BLNK: variants seen among roughly 807,000 people sequenced by gnomAD.
BLNK encodes the protein B cell linker.
A neutral mutation model predicts 73.5 loss-of-function variants in BLNK; 29 were observed. The ratio of observed to expected loss-of-function variants is 0.39; its 90% CI spans 0.29 to 0.54. BLNK has a LOEUF of 0.54. BLNK is among the 20% of genes least tolerant of loss of function. The pLI, the probability that BLNK is intolerant of heterozygous loss-of-function variation, is 0.61. For synonymous variants in BLNK, 176 were observed against 200.8 expected (o/e 0.88, Z 1.04); for missense variants, 460 against 562.8 (o/e 0.82, Z 1.85).
intron 3 of BLNK, among the ~76,000 whole-genome samples, chr10:96,237,691 G>A (rs140018381): frequency 3.9e-5 from 6 of 152,310 alleles, no homozygotes; most frequent in Admixed American, 1.3e-4. Context: ...ACTGGGAAGC[G>A]AGTTCTTGCA....
intron 8 of BLNK, among the ~76,000 whole-genome samples, chr10:96,212,517 A>G (rs1398798819): frequency 6.6e-6 from 1 of 152,174 alleles, no homozygotes; most frequent in Non-Finnish European, 1.5e-5. Flanking sequence ...CACCTAGCAA[A>G]TGTCAGAGCC....
At position 96,191,936 on chromosome 10, in the gene BLNK, T is replaced by G. The variant is rs2083336067; in HGVS notation, c.*37A>C. 6.2e-7 allele frequency: 1 copy of G among 1,612,674 alleles called. No homozygotes were observed. The highest frequency in any genetic ancestry group is 8.5e-7 in the Non-Finnish European group (1 of 1,179,094). On this transcript the variant is annotated 3_prime_UTR_variant, in exon 17 of 17. Coordinates refer to ENST00000224337, the MANE Select transcript of BLNK (RefSeq NM_013314.4). ...CTCAAAAGGAGAAACTTTGGGAAAGTGTCTGAAGCAATGGTATTGATCTTT... is the reference window on the plus strand; with the variant it reads ...CTCAAAAGGAGAAACTTTGGGAAAGGGTCTGAAGCAATGGTATTGATCTTT...
At chr10:96,267,346 G>T (rs1310456345) in intron 1 of BLNK, among the ~76,000 whole-genome samples, 1 of 152,164 alleles carries the variant, frequency 6.6e-6, no homozygotes, top group African/African-American at 2.4e-5. Flanking sequence ...TGCAGGGTGT[G>T]GTAGGTGAGT....
At position 96,215,288 on chromosome 10, in the gene BLNK, G is replaced by A. The variant is rs200616820; in HGVS notation, c.676+33C>T. 712 of 1,598,806 alleles carry A rather than the reference G, an allele frequency of 4.5e-4. 2 individuals are homozygous for A. The highest frequency in any genetic ancestry group is 1.0e-3 in the South Asian group (93 of 90,782). ...TCTGTTTTTCTTATTTGAAATAGAC[G>A]TAAAACCAAACCAAATCACACATAC... On this transcript the variant is annotated intron_variant, in intron 8 of 16. Transcript: ENST00000224337.
At chr10:96,247,468 C>G (rs782547444) in intron 1 of BLNK, among the ~76,000 whole-genome samples, 3 of 152,114 alleles carry the variant, frequency 2.0e-5, no homozygotes, top group Admixed American at 6.5e-5. Context: ...AAAAGTTACT[C>G]CTACCTAGGA....
chr10:96,192,948 A>AT (rs1443604964), intron 16 of BLNK, among the ~76,000 whole-genome samples: 5 of 152,248 alleles, frequency 3.3e-5, no homozygotes, highest in African/African-American at 9.6e-5. Context: ...TATTTTCTCG[A>AT]TTTTTTAGAT....
At chr10:96,266,975 C>T (rs1902704) in intron 1 of BLNK, among the ~76,000 whole-genome samples, 112,594 of 152,174 alleles carry the variant, frequency 0.74, 45,217 homozygotes, top group Non-Finnish European at 0.9. Flanking sequence ...TCTCTAGCTT[C>T]GTTTGGCAGC....
chr10:96,194,768 A>T (rs587734042), intron 16 of BLNK, among the ~76,000 whole-genome samples: 6 of 110,280 alleles, frequency 5.4e-5, no homozygotes, highest in African/African-American at 1.6e-4. Context: ...AGAAATGCAA[A>T]TTTTTTTTTT....
At chr10:96,244,583 C>A (rs957582915) in intron 2 of BLNK, among the ~76,000 whole-genome samples, 1 of 152,138 alleles carries the variant, frequency 6.6e-6, no homozygotes, top group African/African-American at 2.4e-5. Context: ...CGTGTTCAAG[C>A]GTGCTTCCTC....
At position 96,189,721 on chromosome 10, in the gene BLNK, T is replaced by C. The variant is rs149479623; in HGVS notation, c.*2252A>G. The C allele has an allele frequency of 2.4e-3, 1,750 of 720,272 alleles. 7 individuals carry two copies. Among genetic ancestry groups the C allele is most frequent in the Middle Eastern group, 6.1e-3 (16 of 2,602 alleles). The allele number at this position is 720,272 out of a possible 1,614,324, so 44.6% of individuals were successfully genotyped here. A position where few individuals can be genotyped will look rare whatever the true frequency, so the allele number is the denominator to read the frequency against. On this transcript the variant is annotated 3_prime_UTR_variant, in exon 17 of 17. Transcript: ENST00000224337. ...AAAATCATCATCATCATCATCATCA[T>C]CATCATCATCATCTTCATCAGCAGC...
intron 1 of BLNK, among the ~76,000 whole-genome samples, chr10:96,251,956 G>A (rs1554909219): frequency 1.3e-5 from 2 of 152,096 alleles, no homozygotes; most frequent in Non-Finnish European, 2.9e-5. Flanking sequence ...ATCTCAAGAG[G>A]GCTATTGGAC....
At chr10:96,248,598 A>T (rs1384786703) in intron 1 of BLNK, among the ~76,000 whole-genome samples, 1 of 152,222 alleles carries the variant, frequency 6.6e-6, no homozygotes. Flanking sequence ...TCTTATGAAA[A>T]TGGTCACAAA....
At chr10:96,216,135 C>G (rs1449199400) in intron 7 of BLNK, 1 of 179,180 alleles carries the variant, frequency 5.6e-6, no homozygotes, top group African/African-American at 2.4e-5. Context: ...TCTTATGTAG[C>G]ACTGGCTTTT....
intron 7 of BLNK, chr10:96,216,037 A>G (rs587732687): frequency 1.2e-5 from 2 of 162,310 alleles, no homozygotes; most frequent in East Asian, 3.5e-4. Flanking sequence ...TAGATGAGTA[A>G]TGTTACCTGA....
chr10:96,190,124 C>T lies in BLNK; in HGVS notation c.*1849G>A, dbSNP rs2083305530. ...TGGTGCTCATTTTCATCATTATCCACCTTAAAGTGATCATCTTTGTCGGCC... is the reference window on the plus strand; with the variant it reads ...TGGTGCTCATTTTCATCATTATCCATCTTAAAGTGATCATCTTTGTCGGCC... On this transcript the variant is annotated 3_prime_UTR_variant, in exon 17 of 17. Coordinates refer to ENST00000224337, the MANE Select transcript of BLNK (RefSeq NM_013314.4). 2.0e-6 allele frequency: 2 copies of T among 999,004 alleles called. No individual in the cohort carries two copies. Among genetic ancestry groups the T allele is most frequent in the African/African-American group, 1.6e-5 (1 of 63,714 alleles). The allele number at this position is 999,004 out of a possible 1,614,324, so 61.9% of individuals were successfully genotyped here. A position where few individuals can be genotyped will look rare whatever the true frequency, so the allele number is the denominator to read the frequency against.
chr10:96,223,182 C>G (rs1464074798), intron 6 of BLNK, among the ~76,000 whole-genome samples: 1 of 152,126 alleles, frequency 6.6e-6, no homozygotes, highest in Non-Finnish European at 1.5e-5. Context: ...CGTACAACTC[C>G]GGTAAGCACA....
At chr10:96,228,876 T>C (rs782071970) in intron 4 of BLNK, among the ~76,000 whole-genome samples, 1 of 152,228 alleles carries the variant, frequency 6.6e-6, no homozygotes, top group Non-Finnish European at 1.5e-5. Context: ...ACTTGCTCTT[T>C]GGCCTGTCGC....
chr10:96,253,025 G>A lies in BLNK; in HGVS notation c.48-5976C>T, dbSNP rs116109136. ...GTACTGTGATGTTTCCTGTCTTCCCGGGGCCTCCTGGTTGTTGGTCCCTGT... is the reference window on the plus strand; with the variant it reads ...GTACTGTGATGTTTCCTGTCTTCCCAGGGCCTCCTGGTTGTTGGTCCCTGT... On this transcript the variant is annotated intron_variant, in intron 1 of 16. Transcript: ENST00000224337. Among the ~76,000 whole-genome samples, 1,211 of 152,180 alleles carry A rather than the reference G, an allele frequency of 8.0e-3. 24 individuals carry two copies. Among genetic ancestry groups the A allele is most frequent in the African/African-American group, 0.027 (1,140 of 41,510 alleles).
At chr10:96,211,751 A>T (rs1554898742) in intron 8 of BLNK, among the ~76,000 whole-genome samples, 1 of 152,262 alleles carries the variant, frequency 6.6e-6, no homozygotes, top group Non-Finnish European at 1.5e-5. Context: ...ATTTCATGTG[A>T]CAACATGAAA....
Sources: allele counts gnomAD v4.1 joint callset (sites outside exome capture counted in the v4.1 genomes callset), GRCh38; gene constraint gnomAD v4.1.1; transcripts MANE v1.5; gene names NCBI Gene and HGNC (gene_info 2026-07-23, HGNC 2026-07-21).